The following VMP1 variants were observed in gnomAD, a reference collection of about 807,000 sequenced individuals.
The protein encoded by VMP1 is ectopic P-granules autophagy protein 3 homolog.
VMP1 carries 11 observed loss-of-function variants against 56.0 expected under a neutral mutation model. The observed-to-expected ratio is 0.20, with a 90% CI of 0.12 to 0.32. The LOEUF (loss-of-function observed/expected upper bound fraction) is 0.32. Among genes scored for constraint, VMP1 ranks in the 10% least tolerant of loss-of-function variants. The probability of loss-of-function intolerance (pLI) is 1.00; values close to 1 mark genes in which losing one functional copy is unlikely to be tolerated. For synonymous variants in VMP1, 149 were observed against 165.0 expected, an observed-to-expected ratio of 0.90 and a Z score of 0.74; for missense variants, 296 against 490.3, an observed-to-expected ratio of 0.60 and a Z score of 3.74.
rs780819533 is a variant in VMP1 at position 59,737,508 on chromosome 17, A to G, written c.268A>G (p.Ile90Val). Residue 90 changes from isoleucine (I) to valine (V), a missense_variant, in exon 4 of 12, where the codon ATA becomes GTA. Ile to Val is a conservative substitution (Grantham distance 29, BLOSUM62 3). Coordinates refer to ENST00000262291, the MANE Select transcript of VMP1 (RefSeq NM_030938.5). ...VSFLLLLAVL[I>V]ATYYVEGVHQ... is the part of the protein sequence containing the mutation. ...TTTTTTACTGCTGCTTGCTGTGCTT[A>G]TAGCTACGTATTATGTTGAAGGAGT... is the stretch of plus-strand genomic sequence containing the variant. 39 of 1,611,836 alleles carry G rather than the reference A, an allele frequency of 2.4e-5. No individual in the cohort carries two copies. The highest frequency in any genetic ancestry group is 2.7e-5 in the African/African-American group (2 of 74,826).
At chr17:59,760,409 A>AT (rs562675786) in intron 5 of VMP1, among the ~76,000 whole-genome samples, 1 of 151,792 alleles carries the variant, frequency 6.6e-6, no homozygotes, top group South Asian at 2.1e-4. Context: ...ATTCACAGGT[A>AT]TTTTTTTCTT....
chr17:59,835,415 C>G (rs1247312585), intron 10 of VMP1, among the ~76,000 whole-genome samples: 1 of 152,066 alleles, frequency 6.6e-6, no homozygotes, highest in Non-Finnish European at 1.5e-5. Flanking sequence ...GTGTGAGCCA[C>G]TGCACCTGGC....
chr17:59,824,571 TAA>T (rs35033232), intron 10 of VMP1, among the ~76,000 whole-genome samples: 25 of 95,542 alleles, frequency 2.6e-4, no homozygotes, highest in Admixed American at 2.5e-4. Context: ...AGACTCCTTC[TAA>T]AAAAAAAAAA....
intron 5 of VMP1, among the ~76,000 whole-genome samples, chr17:59,748,164 C>G (rs1018300317): frequency 6.8e-6 from 1 of 147,526 alleles, no homozygotes; most frequent in Non-Finnish European, 1.5e-5. Context: ...CCGCTGCACT[C>G]CAGCCTGGGC....
intron 1 of VMP1, among the ~76,000 whole-genome samples, chr17:59,718,644 CAT>C (rs1244298290): frequency 6.6e-6 from 1 of 152,062 alleles, no homozygotes; most frequent in East Asian, 1.9e-4. Context: ...GCTGGGACTA[CAT>C]GCACATACCA....
chr17:59,786,840 C>G (rs563388740), intron 7 of VMP1, among the ~76,000 whole-genome samples: 2 of 152,170 alleles, frequency 1.3e-5, no homozygotes, highest in South Asian at 4.1e-4. Flanking sequence ...TGCTTGTTTG[C>G]AAAGAGTTAA....
At chr17:59,839,738 C>G (rs1336045420) in intron 11 of VMP1, 30 bp from the exon 12 acceptor site, 1 of 1,581,404 alleles carries the variant, frequency 6.3e-7, no homozygotes, top group Non-Finnish European at 8.6e-7. Flanking sequence ...AAGCCTTTTT[C>G]ATTGCATTGT....
At chr17:59,838,220 C>T in intron 10 of VMP1, 75 bp from the exon 11 acceptor site, 1 of 1,224,390 alleles carries the variant, frequency 8.2e-7, no homozygotes, top group South Asian at 1.3e-5. Flanking sequence ...GTGGTAAGTA[C>T]ATTTTCTTTA....
In VMP1 at chr17:59,737,506, T is replaced by C; in HGVS notation, c.266T>C (p.Leu89Pro). ...TCTTTTTTACTGCTGCTTGCTGTGC[T>C]TATAGCTACGTATTATGTTGAAGGA... Reference protein sequence around the residue: ...VVSFLLLLAVLIATYYVEGVH... With the variant: ...VVSFLLLLAVPIATYYVEGVH... The change falls in exon 4 of 12, where the codon CTT becomes CCT. Residue 89 changes from leucine (L) to proline (P), a missense_variant. This residue lies in a region of VMP1 where 126 missense variants were observed against 231.6 expected (regional missense o/e 0.54). Coordinates refer to ENST00000262291, the MANE Select transcript of VMP1 (RefSeq NM_030938.5). 6.2e-7 allele frequency: 1 copy of C among 1,612,140 alleles called. No individual in the cohort carries two copies. Among genetic ancestry groups the C allele is most frequent in the Non-Finnish European group, 8.5e-7 (1 of 1,179,176 alleles).
intron 9 of VMP1, 99 bp from the exon 10 acceptor site, chr17:59,817,613 G>A: frequency 1.3e-6 from 1 of 774,872 alleles, no homozygotes; most frequent in Non-Finnish European, 2.1e-6. Flanking sequence ...TTGCAATTAG[G>A]GGCACAATCT....
In VMP1 at chr17:59,811,793, A is replaced by C. The variant is rs1360378376; in HGVS notation, c.912+7A>C. On this transcript the variant is annotated splice_region_variant and intron_variant, in intron 9 of 11. Coordinates refer to ENST00000262291, the MANE Select transcript of VMP1 (RefSeq NM_030938.5). ...AATAAAAATGCATATCCAGGTAATT[A>C]TACCCCCTGATTCACTGCCTAATGA... The C allele has an allele frequency of 6.5e-7, 1 of 1,541,866 alleles. No homozygotes were observed. The highest frequency in any genetic ancestry group is 1.7e-5 in the Admixed American group (1 of 59,850).
At chr17:59,744,377 A>C (rs929657126) in intron 5 of VMP1, among the ~76,000 whole-genome samples, 1 of 149,056 alleles carries the variant, frequency 6.7e-6, no homozygotes, top group African/African-American at 2.5e-5. Context: ...CAGGAGAATC[A>C]GTTGAACCCA....
chr17:59,812,915 G>A (rs1005046550), intron 9 of VMP1, among the ~76,000 whole-genome samples: 1 of 152,116 alleles, frequency 6.6e-6, no homozygotes, highest in Non-Finnish European at 1.5e-5. Flanking sequence ...TGGCAACAGA[G>A]CAAGACTCTG....
chr17:59,761,054 C>T (rs927329589), intron 5 of VMP1, among the ~76,000 whole-genome samples: 11 of 152,200 alleles, frequency 7.2e-5, no homozygotes, highest in Middle Eastern at 3.4e-3. Context: ...AGGCACTTGC[C>T]ACCATGCCCG....
rs1398264183 is a variant in VMP1 at position 59,808,122 on chromosome 17, A to G, written c.715-674A>G. On this transcript the variant is annotated intron_variant, in intron 7 of 11. Coordinates refer to ENST00000262291, the MANE Select transcript of VMP1 (RefSeq NM_030938.5). ...GAGGTAACAGAGTGAAGTAAAAAGC[A>G]CTGATTTCACAGTCTGAATATTGAA... Among the ~76,000 whole-genome samples the G allele has an allele frequency of 2.0e-5, 3 of 152,214 alleles. No individual in the cohort carries two copies. The East Asian group carries it at 5.8e-4, about 29-fold the overall frequency.
chr17:59,781,961 T>G (rs1202344032), intron 7 of VMP1, among the ~76,000 whole-genome samples: 1 of 152,086 alleles, frequency 6.6e-6, no homozygotes, highest in Non-Finnish European at 1.5e-5. Context: ...TATGCTGGAG[T>G]GCAGTGGTGT....
At chr17:59,802,115 C>A (rs897269270) in intron 7 of VMP1, among the ~76,000 whole-genome samples, 1 of 151,712 alleles carries the variant, frequency 6.6e-6, no homozygotes, top group African/African-American at 2.4e-5. Flanking sequence ...GTGTGAGAAT[C>A]GCTTGAACCC....
Position 59,733,616 on chromosome 17 carries a change from C to T in VMP1, c.77-1722C>T, listed in dbSNP as rs183181380. ...ACTCGGGAAGCTCAGGCAGGAGAAC[C>T]GCTTTAACCAGGGAGGTGGAGGTTG... On this transcript the variant is annotated intron_variant, in intron 2 of 11. Coordinates refer to ENST00000262291, the MANE Select transcript of VMP1 (RefSeq NM_030938.5). 2.1e-3 allele frequency among the ~76,000 whole-genome samples: 325 copies of T among 151,986 alleles called. 1 individual carries two copies. The highest frequency in any genetic ancestry group is 3.6e-3 in the Non-Finnish European group (242 of 67,962).
intron 6 of VMP1, among the ~76,000 whole-genome samples, chr17:59,769,550 T>C (rs1192217558): frequency 6.6e-6 from 1 of 152,220 alleles, no homozygotes; most frequent in Non-Finnish European, 1.5e-5. Context: ...TTTGAATGAA[T>C]CTTTGAATAA....
Sources: gnomAD v4.1 joint callset for allele counts (sites outside exome capture counted in the v4.1 genomes callset) on GRCh38, gnomAD v4.1.1 for gene constraint, gnomAD v4.1.1 regional missense constraint, MANE v1.5 for transcripts, NCBI Gene and HGNC (gene_info 2026-07-23, HGNC 2026-07-21) for gene names.